KANK1: variants seen among roughly 807,000 people sequenced by gnomAD.
The protein encoded by KANK1 is KN motif and ankyrin repeat domain-containing protein 1.
KANK1 carries 109 observed loss-of-function variants against 106.2 expected under a neutral mutation model. The ratio of observed to expected loss-of-function variants is 1.03; its 90% CI spans 0.88 to 1.20. KANK1 has a LOEUF of 1.20. Ranked by LOEUF, KANK1 falls within the 50% of genes most tolerant of loss-of-function variation. The pLI, the probability that KANK1 is intolerant of heterozygous loss-of-function variation, is 0.00. For synonymous variants in KANK1, 873 were observed against 652.2 expected (o/e 1.34, Z -5.16); for missense variants, 2,399 against 1,710.7 (o/e 1.40, Z -7.10).
At chr9:560,523 C>A (rs1816119532) in intron 1 of KANK1, among the ~76,000 whole-genome samples, 1 of 152,204 alleles carries the variant, frequency 6.6e-6, no homozygotes, top group Non-Finnish European at 1.5e-5. Flanking sequence ...ACTTTAGAGG[C>A]ACAGCCAGGA....
intron 2 of KANK1, among the ~76,000 whole-genome samples, chr9:688,211 T>A (rs113940338): frequency 3.3e-4 from 50 of 152,338 alleles, no homozygotes; most frequent in African/African-American, 1.1e-3. Context: ...GGTGAACAGA[T>A]GGCTTTTACT....
At chr9:483,121 T>A (rs924123778) in intron 3 of KANK1, among the ~76,000 whole-genome samples, 26 of 152,304 alleles carry the variant, frequency 1.7e-4, no homozygotes, top group African/African-American at 5.8e-4. Flanking sequence ...TAAGTTGTTA[T>A]CCTTTATTGT....
At chr9:718,275 G>C (rs1828271463) in intron 3 of KANK1, among the ~76,000 whole-genome samples, 1 of 148,900 alleles carries the variant, frequency 6.7e-6, no homozygotes, top group Non-Finnish European at 1.5e-5. Context: ...TCTCATACTG[G>C]CTGTGTAGGT....
chr9:517,641 G>A (rs778190037), intron 1 of KANK1, among the ~76,000 whole-genome samples: 9 of 151,506 alleles, frequency 5.9e-5, no homozygotes, highest in Non-Finnish European at 5.9e-5. Flanking sequence ...AAAGAGTGGG[G>A]ATAATATGTC....
chr9:610,048 A>G (rs923291533), intron 1 of KANK1, among the ~76,000 whole-genome samples: 1 of 152,208 alleles, frequency 6.6e-6, no homozygotes, highest in African/African-American at 2.4e-5. Flanking sequence ...TTAATGTACA[A>G]TAATTTATAA....
Position 598,620 on chromosome 9 carries a change from C to CTTTTTTTTTTTTTTTT in KANK1, c.-83-78255_-83-78240dup, listed in dbSNP as rs3028166. 9.0e-4 allele frequency among the ~76,000 whole-genome samples: 42 copies of CTTTTTTTTTTTTTTTT among 46,680 alleles called. 7 individuals are homozygous for CTTTTTTTTTTTTTTTT. Among genetic ancestry groups the CTTTTTTTTTTTTTTTT allele is most frequent in the South Asian group, 1.3e-3 (1 of 790 alleles). The allele number at this position is 46,680 out of a possible 152,430, so 30.6% of individuals were successfully genotyped here. On this transcript the variant is annotated intron_variant, in intron 1 of 11. Transcript: ENST00000382297. Reference sequence around the variant, plus strand: ...TTTTTTGTTTTGTTTTGTTGGTTTTCTTTTTTTTTTTTTTTTTTTTTTTTT... The same window carrying CTTTTTTTTTTTTTTTT: ...TTTTTTGTTTTGTTTTGTTGGTTTTCTTTTTTTTTTTTTTTTTTTTTTTTTTTTTTTTTTTTTTTTT...
chr9:527,115 A>C (rs2059826198), intron 1 of KANK1, among the ~76,000 whole-genome samples: 1 of 151,646 alleles, frequency 6.6e-6, no homozygotes, highest in African/African-American at 2.4e-5. Context: ...ACTGAAGCCT[A>C]ACCTTCCTTT....
chr9:482,957 A>T (rs550432511), intron 3 of KANK1, among the ~76,000 whole-genome samples: 1 of 152,324 alleles, frequency 6.6e-6, no homozygotes, highest in Non-Finnish European at 1.5e-5. Flanking sequence ...GAGTATTCAC[A>T]CTATAGAGGC....
chr9:486,336 T>A (rs1481103178), intron 3 of KANK1, among the ~76,000 whole-genome samples: 1 of 152,234 alleles, frequency 6.6e-6, no homozygotes, highest in Non-Finnish European at 1.5e-5. Flanking sequence ...TCTTTCCTCT[T>A]GAAGTAATCA....
At chr9:721,652 T>C (rs2131342792) in intron 3 of KANK1, among the ~76,000 whole-genome samples, 1 of 152,218 alleles carries the variant, frequency 6.6e-6, no homozygotes, top group East Asian at 1.9e-4. Flanking sequence ...TGCTGATAAC[T>C]CAATAATTGA....
intron 1 of KANK1, among the ~76,000 whole-genome samples, chr9:559,653 G>A (rs1815856623): frequency 6.6e-6 from 1 of 152,176 alleles, no homozygotes; most frequent in Non-Finnish European, 1.5e-5. Flanking sequence ...GGAGAAGGGT[G>A]AAAAAGACGG....
chr9:562,411 A>G (rs572754411), intron 1 of KANK1, among the ~76,000 whole-genome samples: 1 of 152,318 alleles, frequency 6.6e-6, no homozygotes, highest in Admixed American at 6.5e-5. Context: ...TCTGGGGAAG[A>G]TGGGAACGGA....
At chr9:603,846 C>G (rs1036409652) in intron 1 of KANK1, among the ~76,000 whole-genome samples, 5 of 150,550 alleles carry the variant, frequency 3.3e-5, no homozygotes, top group Admixed American at 6.6e-5. Flanking sequence ...ATAGTCCCAG[C>G]TACTCTGGAG....
At chr9:703,533 G>C (rs528960967) in intron 2 of KANK1, among the ~76,000 whole-genome samples, 15 of 152,202 alleles carry the variant, frequency 9.9e-5, no homozygotes, top group Non-Finnish European at 1.9e-4. Flanking sequence ...AAAAATTTTT[G>C]TAAACACCAG....
At chr9:652,390 G>C (rs773545232) in intron 1 of KANK1, among the ~76,000 whole-genome samples, 15 of 152,146 alleles carry the variant, frequency 9.9e-5, no homozygotes, top group Admixed American at 3.3e-4. Flanking sequence ...AGACATAGTG[G>C]TCTGCACCTG....
intron 3 of KANK1, among the ~76,000 whole-genome samples, chr9:483,078 G>T (rs553582147): frequency 6.6e-6 from 1 of 152,040 alleles, no homozygotes; most frequent in Non-Finnish European, 1.5e-5. Context: ...GGCCCAAAGA[G>T]TAATGAGGTC....
At chr9:542,965 A>G (rs12343918) in intron 1 of KANK1, among the ~76,000 whole-genome samples, 3,545 of 152,250 alleles carry the variant, frequency 0.023, 130 homozygotes, top group African/African-American at 0.08. Context: ...CTGGAGATCT[A>G]TTGTACAGTG....
At chr9:729,115 T>G (rs953251967) in intron 3 of KANK1, among the ~76,000 whole-genome samples, 5 of 152,240 alleles carry the variant, frequency 3.3e-5, no homozygotes, top group African/African-American at 1.2e-4. Context: ...TATACATTAA[T>G]TACAAAATAT....
Position 707,295 on chromosome 9 carries a change from CG to C in KANK1, c.38-3503del, listed in dbSNP as rs1824590360. The C allele has an allele frequency of 3.2e-5, 30 of 938,328 alleles. No homozygotes were observed. The South Asian group carries it at 1.1e-3, about 35-fold the overall frequency. 58.1% of individuals were successfully genotyped at this position (938,328 alleles called of 1,614,324 possible). ...GGGGCGGCCACCGCTGGCCGAATTC[CG>C]GGGGGCCTGGGCGAGGGGGGCCGGC... On this transcript the variant is annotated intron_variant, in intron 2 of 11. Coordinates refer to ENST00000382297, the MANE Select transcript of KANK1 (RefSeq NM_015158.5).
Sources: allele counts gnomAD v4.1 joint callset (sites outside exome capture counted in the v4.1 genomes callset), GRCh38; gene constraint gnomAD v4.1.1; transcripts MANE v1.5; gene names NCBI Gene and HGNC (gene_info 2026-07-23, HGNC 2026-07-21).